Variants in GRIK2 observed in about 807,000 individuals in gnomAD.
GRIK2 encodes the protein glutamate ionotropic receptor kainate type subunit 2.
GRIK2 carries 32 observed loss-of-function variants against 100.3 expected under a neutral mutation model. That is an observed-to-expected ratio of 0.32 (90% CI 0.24 to 0.43). The LOEUF (loss-of-function observed/expected upper bound fraction) is 0.43, where lower values mean the gene tolerates loss of function less well. GRIK2 is among the 20% of genes least tolerant of loss of function. GRIK2 has a pLI of 1.00. For missense variants in GRIK2, 843 were observed against 1,114.9 expected (o/e 0.76, Z 3.47); for synonymous variants, 417 against 389.4 (o/e 1.07, Z -0.83).
At chr6:101,993,063 A>G (rs1200406155) in intron 14 of GRIK2, 1 of 151,418 alleles carries the variant, frequency 6.6e-6, no homozygotes, top group Non-Finnish European at 1.5e-5. Flanking sequence ...TAAATTGTAT[A>G]TTCTGAGCTT....
At chr6:101,457,453 ATT>A (rs540059815) in intron 2 of GRIK2, among the ~76,000 whole-genome samples, 49 of 151,938 alleles carry the variant, frequency 3.2e-4, no homozygotes, top group African/African-American at 1.1e-3. Flanking sequence ...GATTTCAGCA[ATT>A]TTTTTTCACA....
At chr6:101,870,962 T>A (rs1043573056) in intron 11 of GRIK2, among the ~76,000 whole-genome samples, 2 of 151,868 alleles carry the variant, frequency 1.3e-5, no homozygotes, top group Admixed American at 1.3e-4. Flanking sequence ...GTTTTATCTT[T>A]AAATCCTGCA....
At position 101,916,049 on chromosome 6, in the gene GRIK2, A is replaced by G. The variant is rs114107216; in HGVS notation, c.1749-8552A>G. ...AGCAATATTCTATTCCATGTGAAAA[A>G]TAATTCAAATTCAGGTGGCAATGTT... On this transcript the variant is annotated intron_variant, in intron 12 of 16. Transcript: ENST00000369134. 1.5e-3 allele frequency among the ~76,000 whole-genome samples: 226 copies of G among 151,634 alleles called. 1 individual carries two copies. Among genetic ancestry groups the G allele is most frequent in the African/African-American group, 5.2e-3 (216 of 41,488 alleles).
At chr6:101,717,679 A>T (rs927844558) in intron 7 of GRIK2, among the ~76,000 whole-genome samples, 6 of 151,856 alleles carry the variant, frequency 4.0e-5, no homozygotes, top group African/African-American at 1.4e-4. Flanking sequence ...TTGCCAGTGA[A>T]TAGTAATTCG....
intron 2 of GRIK2, among the ~76,000 whole-genome samples, chr6:101,478,742 T>A (rs1410064849): frequency 1.3e-5 from 2 of 152,038 alleles, no homozygotes; most frequent in African/African-American, 2.4e-5. Flanking sequence ...GCCAGGATGG[T>A]CTCGATCTCC....
intron 2 of GRIK2, among the ~76,000 whole-genome samples, chr6:101,400,683 C>A (rs1775254257): frequency 6.6e-6 from 1 of 152,146 alleles, no homozygotes; most frequent in African/African-American, 2.4e-5. Context: ...GTTTTATCCC[C>A]CCAATGATAA....
At chr6:101,908,277 G>A (rs1005014940) in intron 12 of GRIK2, among the ~76,000 whole-genome samples, 4 of 7,754 alleles carry the variant, frequency 5.2e-4, no homozygotes, top group African/African-American at 1.4e-3. Flanking sequence ...AAATAATTAC[G>A]GTTTTGCCAA....
chr6:101,681,309 C>T (rs898540520), intron 5 of GRIK2, among the ~76,000 whole-genome samples: 16 of 151,742 alleles, frequency 1.1e-4, no homozygotes, highest in South Asian at 6.2e-4. Flanking sequence ...ACTGCAGCCT[C>T]GACTTTGGGA....
chr6:101,722,612 T>A (rs1015889660), intron 7 of GRIK2, among the ~76,000 whole-genome samples: 2 of 152,106 alleles, frequency 1.3e-5, no homozygotes, highest in African/African-American at 4.8e-5. Flanking sequence ...GGCTTCACCT[T>A]CTTCTCAACC....
Position 101,676,275 on chromosome 6 carries a change from G to A in GRIK2, c.542-348G>A, listed in dbSNP as rs375978142. The stretch of plus-strand genomic sequence containing the variant: ...ACTCTATGTCTTTTTATACATTTAA[G>A]TTATTTATATTAACTTTTAGTCATG... On this transcript the variant is annotated intron_variant, in intron 4 of 16. Transcript: ENST00000369134. 2.0e-5 allele frequency among the ~76,000 whole-genome samples: 3 copies of A among 152,066 alleles called. No homozygotes were observed. In the East Asian group the frequency reaches 5.8e-4, roughly 29 times the overall value.
intron 14 of GRIK2, among the ~76,000 whole-genome samples, chr6:101,985,073 G>A (rs867574610): frequency 8.6e-5 from 13 of 151,520 alleles, no homozygotes; most frequent in East Asian, 2.0e-4. Context: ...AACTAACCTC[G>A]GTTAATAGAG....
intron 2 of GRIK2, among the ~76,000 whole-genome samples, chr6:101,424,682 G>A (rs1419149151): frequency 6.7e-6 from 1 of 150,142 alleles, no homozygotes; most frequent in African/African-American, 2.4e-5. Context: ...TCGTCATTTA[G>A]CATTAGTTAT....
At chr6:101,705,523 A>T (rs889190684) in intron 7 of GRIK2, among the ~76,000 whole-genome samples, 5 of 151,772 alleles carry the variant, frequency 3.3e-5, no homozygotes, top group Non-Finnish European at 5.9e-5. Flanking sequence ...TAATGACTGT[A>T]TCTTTTTGTA....
intron 16 of GRIK2, among the ~76,000 whole-genome samples, chr6:102,064,343 C>A (rs1771902027): frequency 7.0e-6 from 1 of 143,624 alleles, no homozygotes; most frequent in African/African-American, 2.6e-5. Flanking sequence ...CCTTTCTTTC[C>A]TTTCCTCTTT....
chr6:101,563,548 C>A (rs1489485855), intron 2 of GRIK2, among the ~76,000 whole-genome samples: 1 of 152,026 alleles, frequency 6.6e-6, no homozygotes, highest in Non-Finnish European at 1.5e-5. Flanking sequence ...TTTGCAAATG[C>A]TTTTACCCCT....
chr6:102,055,093 A>C (rs1429210448), intron 15 of GRIK2, among the ~76,000 whole-genome samples: 1 of 152,136 alleles, frequency 6.6e-6, no homozygotes, highest in Non-Finnish European at 1.5e-5. Context: ...ACCTTTTAGG[A>C]GACATATTCT....
chr6:101,997,905 T>TA (rs1366950165), intron 14 of GRIK2, among the ~76,000 whole-genome samples: 4 of 152,106 alleles, frequency 2.6e-5, no homozygotes, highest in Admixed American at 2.6e-4. Flanking sequence ...GCCAAGTAAC[T>TA]AAAAAAATCT....
intron 2 of GRIK2, among the ~76,000 whole-genome samples, chr6:101,436,131 G>A (rs1395910329): frequency 6.6e-6 from 1 of 152,060 alleles, no homozygotes; most frequent in African/African-American, 2.4e-5. Context: ...TCTATTCAGA[G>A]TACAGTTTTT....
rs117843912 is a variant in GRIK2 at position 101,432,237 on chromosome 6, C to T, written c.115+32845C>T. 6.4e-3 allele frequency among the ~76,000 whole-genome samples: 967 copies of T among 152,130 alleles called. 9 individuals are homozygous for T. The highest frequency in any genetic ancestry group is 0.011 in the Non-Finnish European group (761 of 68,000). On this transcript the variant is annotated intron_variant, in intron 2 of 16. Transcript: ENST00000369134. ...TTATATTTTATATATTTTTCTGCCACCCCTAGGAAGAGTTGCTTCCTGAAT... is the reference window on the plus strand; with the variant it reads ...TTATATTTTATATATTTTTCTGCCATCCCTAGGAAGAGTTGCTTCCTGAAT...
Sources: gnomAD v4.1 joint callset for allele counts (sites outside exome capture counted in the v4.1 genomes callset) on GRCh38, gnomAD v4.1.1 for gene constraint, MANE v1.5 for transcripts, NCBI Gene and HGNC (gene_info 2026-07-23, HGNC 2026-07-21) for gene names.